Variants in PTPRN2 observed in about 807,000 individuals in gnomAD.
PTPRN2 encodes receptor-type tyrosine-protein phosphatase N2.
A neutral mutation model predicts 118.8 loss-of-function variants in PTPRN2; 74 were observed. That is an observed-to-expected ratio of 0.62 (90% confidence interval 0.52 to 0.76). PTPRN2 has a LOEUF of 0.76. Among genes scored for constraint, PTPRN2 ranks in the 30% least tolerant of loss-of-function variants. The pLI, the probability that PTPRN2 is intolerant of heterozygous loss-of-function variation, is 0.00. For synonymous variants in PTPRN2, 641 were observed against 608.0 expected (o/e 1.05, Z -0.80); for missense variants, 1,481 against 1,394.4 (o/e 1.06, Z -0.99).
chr7:158,231,148 T>A (rs935887192), intron 3 of PTPRN2, among the ~76,000 whole-genome samples: 1 of 152,116 alleles, frequency 6.6e-6, no homozygotes, highest in Non-Finnish European at 1.5e-5. Context: ...GTGCCTGTGG[T>A]CTCAGCTACT....
At chr7:157,818,034 ATGTT>A (rs1462355773) in intron 12 of PTPRN2, among the ~76,000 whole-genome samples, 2 of 149,888 alleles carry the variant, frequency 1.3e-5, no homozygotes, top group Non-Finnish European at 3.0e-5. Context: ...ATATATGTAT[ATGTT>A]TGTGTCTGTG....
At chr7:157,871,547 C>T (rs754086541) in intron 12 of PTPRN2, among the ~76,000 whole-genome samples, 70 of 151,946 alleles carry the variant, frequency 4.6e-4, no homozygotes, top group Admixed American at 2.2e-3. Context: ...CTCTATTGGC[C>T]GACACCACCC....
At chr7:157,742,147 C>G (rs926982153) in intron 12 of PTPRN2, among the ~76,000 whole-genome samples, 1 of 152,192 alleles carries the variant, frequency 6.6e-6, no homozygotes, top group African/African-American at 2.4e-5. Flanking sequence ...TCACCTGTAA[C>G]TCATGTGAAT....
intron 11 of PTPRN2, among the ~76,000 whole-genome samples, chr7:157,910,462 C>T (rs538371261): frequency 4.1e-5 from 6 of 145,696 alleles, no homozygotes; most frequent in African/African-American, 1.5e-4. Flanking sequence ...CGCCGGATCA[C>T]GCACGTACGC....
At chr7:157,957,616 G>A (rs62475407) in intron 11 of PTPRN2, among the ~76,000 whole-genome samples, 18,037 of 151,962 alleles carry the variant, frequency 0.12, 1,152 homozygotes, top group Middle Eastern at 0.2. Context: ...TGAGTGTGAT[G>A]AGCATTTGCA....
chr7:158,124,767 T>C (rs189698644), intron 9 of PTPRN2, among the ~76,000 whole-genome samples: 2,131 of 152,232 alleles, frequency 0.014, 27 homozygotes, highest in Non-Finnish European at 0.023. Context: ...CCTGCAGAGC[T>C]GCTGGTCAGC....
Position 158,136,679 on chromosome 7 carries a change from G to T in PTPRN2, c.1149C>A (p.Asp383Glu), listed in dbSNP as rs140996486. 6.2e-7 allele frequency: 1 copy of T among 1,613,644 alleles called. No homozygotes were observed. Among genetic ancestry groups the T allele is most frequent in the South Asian group, 1.1e-5 (1 of 91,054 alleles). Residue 383 changes from aspartate (D) to glutamate (E), a missense_variant, in exon 8 of 23, where the codon GAC becomes GAA. Asp to Glu is a conservative substitution (Grantham distance 45). This residue lies in a region of PTPRN2 where 1,115 missense variants were observed against 994.2 expected (regional missense o/e 1.12). Transcript: ENST00000389418. ...CCTCTTGGTAAAGTCTATCATCGTC[G>T]TCCTGCACTCCGTCATCTGTAAAAG... ...GDSFPDDGVQ[D>E]DDDRLYQEVH...
intron 2 of PTPRN2, among the ~76,000 whole-genome samples, chr7:158,431,731 TCACACTGGCCA>T (rs1268953512): frequency 7.2e-6 from 1 of 139,670 alleles, no homozygotes; most frequent in Non-Finnish European, 1.5e-5. Flanking sequence ...TCACACTGGC[TCACACTGGCCA>T]CACACTGGCT....
At chr7:157,658,409 C>T (rs1401159515) in intron 13 of PTPRN2, among the ~76,000 whole-genome samples, 4 of 152,156 alleles carry the variant, frequency 2.6e-5, no homozygotes, top group East Asian at 1.9e-4. Context: ...CAGAAGTTCC[C>T]GTATTTAAAG....
chr7:158,273,888 A>AGGAGGAGCCGCAGACAGACGCG (rs1296815527), intron 3 of PTPRN2, among the ~76,000 whole-genome samples: 3 of 135,646 alleles, frequency 2.2e-5, no homozygotes, highest in South Asian at 2.4e-4. Context: ...CCGCAGACGC[A>AGGAGGAGCCGCAGACAGACGCG]GGAGGAGCCG....
intron 10 of PTPRN2, among the ~76,000 whole-genome samples, chr7:158,091,771 T>C (rs985357679): frequency 2.1e-5 from 3 of 140,436 alleles, no homozygotes; most frequent in Non-Finnish European, 3.1e-5. Flanking sequence ...GGTAGAGAGA[T>C]GGTTGGGTGG....
intron 11 of PTPRN2, among the ~76,000 whole-genome samples, chr7:157,979,589 G>A (rs750595367): frequency 6.6e-6 from 1 of 152,172 alleles, no homozygotes; most frequent in Non-Finnish European, 1.5e-5. Context: ...TGAGGCAGCT[G>A]GTCCAGATGA....
chr7:158,184,824 A>G (rs1563572164), intron 5 of PTPRN2, among the ~76,000 whole-genome samples: 1 of 152,220 alleles, frequency 6.6e-6, no homozygotes, highest in Non-Finnish European at 1.5e-5. Context: ...AAAAGAAAAA[A>G]AAAAGATCTT....
intron 12 of PTPRN2, among the ~76,000 whole-genome samples, chr7:157,727,322 C>G (rs1355137851): frequency 6.6e-6 from 1 of 152,196 alleles, no homozygotes; most frequent in Non-Finnish European, 1.5e-5. Context: ...AGACATATGG[C>G]ATAACATGGG....
intron 3 of PTPRN2, among the ~76,000 whole-genome samples, chr7:158,246,920 C>A (rs184588876): frequency 3.3e-5 from 5 of 152,166 alleles, no homozygotes; most frequent in African/African-American, 9.7e-5. Context: ...CAGGAATGCG[C>A]GGCCTGTTGA....
intron 3 of PTPRN2, among the ~76,000 whole-genome samples, chr7:158,208,333 A>T (rs1193034891): frequency 6.6e-6 from 1 of 152,190 alleles, no homozygotes; most frequent in African/African-American, 2.4e-5. Flanking sequence ...CCCAAATAAG[A>T]CTACCTCAAG....
At chr7:157,672,348 CTCCTTG>C (rs1244270308) in intron 13 of PTPRN2, among the ~76,000 whole-genome samples, 3 of 152,154 alleles carry the variant, frequency 2.0e-5, no homozygotes, top group Non-Finnish European at 2.9e-5. Flanking sequence ...TATATTTGTT[CTCCTTG>C]AATCTGGTAG....
chr7:158,329,962 T>C (rs928436287), intron 2 of PTPRN2, among the ~76,000 whole-genome samples: 6 of 151,580 alleles, frequency 4.0e-5, no homozygotes, highest in South Asian at 4.2e-4. Flanking sequence ...TCAGGTCTTG[T>C]ATGGCGACTC....
chr7:158,271,950 G>A (rs553017576), intron 3 of PTPRN2, among the ~76,000 whole-genome samples: 18 of 152,218 alleles, frequency 1.2e-4, no homozygotes, highest in East Asian at 9.6e-4. Flanking sequence ...ACCTTCAGTC[G>A]CTATGGCAAT....
Sources: gnomAD v4.1 joint callset for allele counts (sites outside exome capture counted in the v4.1 genomes callset) on GRCh38, gnomAD v4.1.1 for gene constraint, gnomAD v4.1.1 regional missense constraint, MANE v1.5 for transcripts, NCBI Gene and HGNC (gene_info 2026-07-23, HGNC 2026-07-21) for gene names.